CFAP43: variants seen among roughly 807,000 people sequenced by gnomAD.
The protein encoded by CFAP43 is cilia and flagella associated protein 43.
A neutral mutation model predicts 218.9 loss-of-function variants in CFAP43; 155 were observed. The ratio of observed to expected loss-of-function variants is 0.71; its 90% CI spans 0.62 to 0.81. CFAP43 has a LOEUF of 0.81. Among genes scored for constraint, CFAP43 ranks in the 30% least tolerant of loss-of-function variants. The probability of loss-of-function intolerance (pLI) is 0.00; values close to 1 mark genes in which losing one functional copy is unlikely to be tolerated. For missense variants in CFAP43, 1,778 were observed against 1,954.3 expected, an observed-to-expected ratio of 0.91 and a Z score of 1.70; for synonymous variants, 645 against 681.3, an observed-to-expected ratio of 0.95 and a Z score of 0.83.
chr10:104,203,149 C>A (rs975399329), intron 8 of CFAP43, among the ~76,000 whole-genome samples: 1 of 152,196 alleles, frequency 6.6e-6, no homozygotes, highest in Non-Finnish European at 1.5e-5. Flanking sequence ...CTCTACCCAG[C>A]ATCCAAGGCT....
intron 26 of CFAP43, among the ~76,000 whole-genome samples, chr10:104,161,667 G>A (rs892447370): frequency 1.3e-5 from 2 of 152,116 alleles, no homozygotes; most frequent in African/African-American, 4.8e-5. Flanking sequence ...GTCTTGCTCT[G>A]TCTCTCAGGC....
chr10:104,136,277 A>AG (rs1167360999), intron 34 of CFAP43, among the ~76,000 whole-genome samples: 4 of 91,086 alleles, frequency 4.4e-5, no homozygotes, highest in Admixed American at 3.8e-4. Flanking sequence ...AAAAAAAAAA[A>AG]AGAAGAAAAG....
chr10:104,229,654 A>T (rs563313660), intron 2 of CFAP43, among the ~76,000 whole-genome samples: 1 of 152,284 alleles, frequency 6.6e-6, no homozygotes, highest in South Asian at 2.1e-4. Flanking sequence ...ATAGAGCCAG[A>T]CTCTGTTAAA....
In CFAP43 at chr10:104,148,802, A is replaced by T. The variant is rs564628604; in HGVS notation, c.3661-804T>A. On this transcript the variant is annotated intron_variant, in intron 28 of 37. Transcript: ENST00000357060. ...TTTTCTTTATAAATTATGCAGCCTC[A>T]GGTATTATTTATAGCAACACAAAAC... Among the ~76,000 whole-genome samples, 137 of 152,356 alleles carry T rather than the reference A, an allele frequency of 9.0e-4. 1 individual carries two copies. The highest frequency in any genetic ancestry group is 3.2e-3 in the African/African-American group (132 of 41,578).
intron 3 of CFAP43, among the ~76,000 whole-genome samples, chr10:104,224,875 G>A (rs1449567422): frequency 6.6e-6 from 1 of 150,636 alleles, no homozygotes; most frequent in East Asian, 1.9e-4. Flanking sequence ...GGAATATTTT[G>A]TACTTCCCCT....
chr10:104,210,195 A>G (rs1204440808), intron 5 of CFAP43, among the ~76,000 whole-genome samples: 1 of 152,268 alleles, frequency 6.6e-6, no homozygotes, highest in East Asian at 1.9e-4. Flanking sequence ...TTGAATACAC[A>G]GAAGTGGAAC....
chr10:104,143,570 G>T lies in CFAP43; in HGVS notation c.4014C>A (p.Gly1338=). ...GGGCAAAGGCATCCTTATTCAACTT[G>T]CCAGATCCTGGTAGTTCTCCGAAAG... ...VVPFGELPGS[G]KLNKDAFAQL... is the part of the protein sequence containing the mutation. The change falls in exon 32 of 38, where the codon GGC becomes GGA. Residue 1338 remains glycine, a synonymous_variant. Coordinates refer to ENST00000357060, the MANE Select transcript of CFAP43 (RefSeq NM_025145.7). The T allele has an allele frequency of 6.2e-7, 1 of 1,614,150 alleles. No homozygotes were observed.
At chr10:104,179,489 C>G (rs75599528) in intron 18 of CFAP43, among the ~76,000 whole-genome samples, 9,040 of 152,268 alleles carry the variant, frequency 0.059, 313 homozygotes, top group South Asian at 0.093. Context: ...GCCACAGCAT[C>G]CCTTCCCCTG....
chr10:104,134,961 C>T (rs891009210), intron 34 of CFAP43, among the ~76,000 whole-genome samples: 37 of 152,080 alleles, frequency 2.4e-4, no homozygotes, highest in African/African-American at 8.7e-4. Flanking sequence ...TGAATACATA[C>T]ACAAAGACAA....
intron 34 of CFAP43, among the ~76,000 whole-genome samples, chr10:104,135,658 T>A (rs1341507468): frequency 6.6e-6 from 1 of 151,922 alleles, no homozygotes; most frequent in African/African-American, 2.4e-5. Context: ...AACCTAGAAA[T>A]AAAGTTTATC....
intron 22 of CFAP43, among the ~76,000 whole-genome samples, chr10:104,167,097 G>A (rs537249183): frequency 1.3e-5 from 2 of 152,266 alleles, no homozygotes; most frequent in South Asian, 2.1e-4. Context: ...AGGTTAACAC[G>A]AATTAAGCAT....
At chr10:104,178,793 T>C (rs935842570) in intron 19 of CFAP43, among the ~76,000 whole-genome samples, 2 of 152,130 alleles carry the variant, frequency 1.3e-5, no homozygotes, top group African/African-American at 4.8e-5. Context: ...ATAACTTTGA[T>C]AAAAATCAGT....
intron 6 of CFAP43, among the ~76,000 whole-genome samples, chr10:104,207,124 G>T (rs1031345805): frequency 6.6e-6 from 1 of 152,032 alleles, no homozygotes; most frequent in African/African-American, 2.4e-5. Context: ...AGTGAGCCAA[G>T]ATTGCACCAC....
At position 104,232,266 on chromosome 10, in the gene CFAP43, C is replaced by A. The variant is rs773974839; in HGVS notation, c.-20G>T. 1 of 1,589,274 alleles carries A rather than the reference C, an allele frequency of 6.3e-7. No homozygotes were observed. ...CGCCATGGGCAGTGTTTTCCTCAGG[C>A]GGGAGCAGGCAGCGCACGCAGCACC... On this transcript the variant is annotated 5_prime_UTR_variant, in exon 1 of 38. Transcript: ENST00000357060.
At chr10:104,149,841 A>G (rs879872698) in intron 28 of CFAP43, among the ~76,000 whole-genome samples, 1 of 152,210 alleles carries the variant, frequency 6.6e-6, no homozygotes, top group Non-Finnish European at 1.5e-5. Context: ...GTATATTTGC[A>G]GAGTTGTGTA....
intron 19 of CFAP43, among the ~76,000 whole-genome samples, chr10:104,178,115 CAAAG>C (rs1177719864): frequency 6.6e-6 from 1 of 152,118 alleles, no homozygotes; most frequent in Non-Finnish European, 1.5e-5. Flanking sequence ...ACCAAGAAAA[CAAAG>C]AAAATCACGT....
chr10:104,212,709 T>C (rs903170260), intron 4 of CFAP43, among the ~76,000 whole-genome samples: 2 of 152,248 alleles, frequency 1.3e-5, no homozygotes, highest in Non-Finnish European at 2.9e-5. Context: ...ATCTCTGATA[T>C]TGAGTTCATT....
At chr10:104,198,733 G>A (rs1442017930) in intron 8 of CFAP43, among the ~76,000 whole-genome samples, 4 of 150,784 alleles carry the variant, frequency 2.7e-5, no homozygotes, top group East Asian at 4.0e-4. Context: ...TCACTGCAAC[G>A]TCTGCCTCCT....
intron 3 of CFAP43, among the ~76,000 whole-genome samples, chr10:104,218,561 T>C (rs1055061459): frequency 3.3e-5 from 5 of 151,954 alleles, no homozygotes; most frequent in African/African-American, 1.2e-4. Context: ...CTAACATTTT[T>C]TAAAAGCTTC....
Sources: allele counts gnomAD v4.1 joint callset (sites outside exome capture counted in the v4.1 genomes callset), GRCh38; gene constraint gnomAD v4.1.1; transcripts MANE v1.5; gene names NCBI Gene and HGNC (gene_info 2026-07-23, HGNC 2026-07-21).